The following EDNRB variants were observed in gnomAD, a reference collection of about 807,000 sequenced individuals.
The protein encoded by EDNRB is Hirschsprung disease 2.
Under a neutral mutation model 46.4 loss-of-function variants are expected in EDNRB, and 18 were observed. The ratio of observed to expected loss-of-function variants is 0.39; its 90% CI spans 0.27 to 0.57. The LOEUF (loss-of-function observed/expected upper bound fraction) is 0.57. EDNRB is among the 20% of genes least tolerant of loss of function. EDNRB has a pLI of 0.61. For synonymous variants in EDNRB, 213 were observed against 204.9 expected, an observed-to-expected ratio of 1.04 and a Z score of -0.34; for missense variants, 434 against 537.5, an observed-to-expected ratio of 0.81 and a Z score of 1.90.
At chr13:77,923,049 G>A (rs1193238784), upstream of EDNRB, among the ~76,000 whole-genome samples, 1 of 152,154 alleles carries the variant, frequency 6.6e-6, no homozygotes, top group Non-Finnish European at 1.5e-5. Flanking sequence ...ATGATTGCTT[G>A]ATGGTACCAA....
At chr13:77,930,949 A>C (rs1389065808) in intron 1 of EDNRB, among the ~76,000 whole-genome samples, 1 of 152,168 alleles carries the variant, frequency 6.6e-6, no homozygotes, top group Non-Finnish European at 1.5e-5. Context: ...GTAAAGACCC[A>C]AACTCTAAAT....
upstream of EDNRB, among the ~76,000 whole-genome samples, chr13:77,922,589 C>T (rs1266842866): frequency 6.6e-6 from 1 of 152,086 alleles, no homozygotes; most frequent in Admixed American, 6.5e-5. Context: ...ATTCAATGAT[C>T]AAATAGTGGT....
chr13:77,918,786 G>T lies in EDNRB; in HGVS notation c.-213C>A, dbSNP rs1879956422. ...GAAACTTGGCGCTCATGACTCGCCA[G>T]CGCGGGTCGAAACTCCTTCCTGATG... is the stretch of plus-strand genomic sequence containing the variant. On this transcript the variant is annotated 5_prime_UTR_variant, in exon 1 of 7. The change creates a new upstream start codon in the 5' untranslated region. Transcript: ENST00000646607. This position sits in a 1 kb window ranked among gnomAD's most constrained non-coding sequence, Gnocchi z 4.5. 7.5e-7 allele frequency: 1 copy of T among 1,326,736 alleles called. No individual in the cohort carries two copies. Among genetic ancestry groups the T allele is most frequent in the African/African-American group, 1.5e-5 (1 of 66,112 alleles). The allele number at this position is 1,326,736 out of a possible 1,614,324, so 82.2% of individuals were successfully genotyped here. A position where few individuals can be genotyped will look rare whatever the true frequency, so the allele number is the denominator to read the frequency against.
chr13:77,935,948 C>G (rs1169321982), intron 1 of EDNRB, among the ~76,000 whole-genome samples: 1 of 152,116 alleles, frequency 6.6e-6, no homozygotes, highest in Non-Finnish European at 1.5e-5. Context: ...TAAGGCTTGT[C>G]TGGTTTTAGG....
In EDNRB at chr13:77,896,234, T is replaced by C. The variant is rs950216760; in HGVS notation, c.*1966A>G. 3 of 308,720 alleles carry C rather than the reference T, an allele frequency of 9.7e-6. No individual in the cohort carries two copies. Among genetic ancestry groups the C allele is most frequent in the East Asian group, 7.7e-5 (1 of 12,928 alleles). The allele number at this position is 308,720 out of a possible 1,614,324, so 19.1% of individuals were successfully genotyped here. On this transcript the variant is annotated 3_prime_UTR_variant, in exon 7 of 7. Coordinates refer to ENST00000646607, the MANE Select transcript of EDNRB (RefSeq NM_001122659.3). ...AGGAAAAGGTATCAGGATGTAAAAA[T>C]TCAGTACATGGTAATAAAAATAATC...
At chr13:77,927,116 G>A (rs560107595) in intron 1 of EDNRB, among the ~76,000 whole-genome samples, 4 of 152,104 alleles carry the variant, frequency 2.6e-5, no homozygotes, top group Non-Finnish European at 4.4e-5. Context: ...AACCATATCA[G>A]TATATAAGAT....
chr13:77,917,094 T>C (rs1453467782), intron 1 of EDNRB, among the ~76,000 whole-genome samples: 3 of 152,190 alleles, frequency 2.0e-5, no homozygotes, highest in African/African-American at 7.2e-5. Context: ...TAATGTTAAC[T>C]ACCGAAACCC....
At chr13:77,899,207 T>G (rs2137601732) in intron 6 of EDNRB, among the ~76,000 whole-genome samples, 1 of 152,034 alleles carries the variant, frequency 6.6e-6, no homozygotes, top group East Asian at 1.9e-4. Context: ...GGGAGCTACG[T>G]TCTTAGCTTT....
intron 1 of EDNRB, among the ~76,000 whole-genome samples, chr13:77,967,874 G>A (rs1467063719): frequency 6.6e-6 from 1 of 152,076 alleles, no homozygotes; most frequent in Non-Finnish European, 1.5e-5. Flanking sequence ...ATGCCTTAAG[G>A]CATCCTGCAT....
At chr13:77,917,449 T>A (rs1879866898) in intron 1 of EDNRB, among the ~76,000 whole-genome samples, 1 of 152,234 alleles carries the variant, frequency 6.6e-6, no homozygotes, top group East Asian at 1.9e-4. Context: ...ACCTACTTTG[T>A]ACCTGCTACT....
intron 1 of EDNRB, among the ~76,000 whole-genome samples, chr13:77,963,789 G>C (rs1881497766): frequency 1.3e-5 from 2 of 152,260 alleles, no homozygotes; most frequent in Admixed American, 1.3e-4. Flanking sequence ...TTAAACTAAA[G>C]AGCTTCTGCA....
chr13:77,903,888 C>T (rs1249180922), intron 1 of EDNRB, among the ~76,000 whole-genome samples: 7 of 151,904 alleles, frequency 4.6e-5, no homozygotes, highest in East Asian at 1.9e-4. Context: ...TTGAGCCAGT[C>T]GCTTAAGTTC....
intron 4 of EDNRB, 78 bp downstream of exon 4, chr13:77,900,980 A>C: frequency 1.4e-6 from 2 of 1,473,884 alleles, no homozygotes; most frequent in Non-Finnish European, 1.9e-6. Context: ...ATGTTAGTTT[A>C]TCATCATCAT....
At chr13:77,943,211 AC>A (rs1436331162) in intron 1 of EDNRB, among the ~76,000 whole-genome samples, 1 of 152,132 alleles carries the variant, frequency 6.6e-6, no homozygotes, top group African/African-American at 2.4e-5. Flanking sequence ...TAATTGACTT[AC>A]CTAAATTATC....
chr13:77,917,941 A>C (rs1879890717), intron 1 of EDNRB, 150 bp downstream of exon 1: 5 of 1,196,584 alleles, frequency 4.2e-6, no homozygotes, highest in Non-Finnish European at 6.0e-6. Context: ...AACCAAATGG[A>C]ATTTGGTTCC....
intron 1 of EDNRB, among the ~76,000 whole-genome samples, chr13:77,943,727 T>G (rs1880817094): frequency 6.6e-6 from 1 of 152,078 alleles, no homozygotes; most frequent in African/African-American, 2.4e-5. Flanking sequence ...TTATCTTAGT[T>G]TCTCTTCTAT....
chr13:77,919,581 G>T (rs201841569), upstream of EDNRB: 8 of 1,611,614 alleles, frequency 5.0e-6, no homozygotes, highest in Non-Finnish European at 6.8e-6. Flanking sequence ...TTTGCTCGGG[G>T]TCTCTGCTGC....
chr13:77,907,937 G>T (rs988520115), intron 1 of EDNRB, among the ~76,000 whole-genome samples: 1 of 140,852 alleles, frequency 7.1e-6, no homozygotes, highest in Non-Finnish European at 1.5e-5. Flanking sequence ...TGCTCTTCAA[G>T]CTCAACAGAG....
intron 1 of EDNRB, among the ~76,000 whole-genome samples, chr13:77,933,373 G>T (rs139578042): frequency 3.9e-5 from 6 of 151,992 alleles, no homozygotes; most frequent in South Asian, 4.2e-4. Context: ...GGTAGGTAAA[G>T]GAAAATTACA....
Sources: allele counts gnomAD v4.1 joint callset (sites outside exome capture counted in the v4.1 genomes callset), GRCh38; gene constraint gnomAD v4.1.1; non-coding constraint Gnocchi (gnomAD v3.1); transcripts MANE v1.5; gene names NCBI Gene and HGNC (gene_info 2026-07-23, HGNC 2026-07-21).